Variants in DOCK2 observed in about 807,000 individuals in gnomAD.
DOCK2 encodes the protein dedicator of cytokinesis protein 2.
In DOCK2, 87 loss-of-function variants were observed where a neutral mutation model predicts 248.9. That is an observed-to-expected ratio of 0.35 (90% confidence interval 0.29 to 0.42). The LOEUF is 0.42. DOCK2 is among the 10% of genes least tolerant of loss of function. The pLI, the probability that DOCK2 is intolerant of heterozygous loss-of-function variation, is 1.00. For synonymous variants in DOCK2, 805 were observed against 821.6 expected, an observed-to-expected ratio of 0.98 and a Z score of 0.35; for missense variants, 1,747 against 2,300.2, an observed-to-expected ratio of 0.76 and a Z score of 4.92.
intron 27 of DOCK2, among the ~76,000 whole-genome samples, chr5:169,981,297 C>A (rs569221192): frequency 1.3e-5 from 2 of 152,104 alleles, no homozygotes; most frequent in African/African-American, 4.8e-5. Flanking sequence ...ACCACTAGAA[C>A]GAAATTGTAA....
intron 32 of DOCK2, among the ~76,000 whole-genome samples, chr5:170,017,553 A>G (rs1175912654): frequency 6.6e-6 from 1 of 152,220 alleles, no homozygotes; most frequent in Non-Finnish European, 1.5e-5. Context: ...CACAAAGATA[A>G]TATTAATAGC....
At chr5:169,864,697 A>G (rs958609286) in intron 27 of DOCK2, among the ~76,000 whole-genome samples, 2 of 152,228 alleles carry the variant, frequency 1.3e-5, no homozygotes, top group Non-Finnish European at 2.9e-5. Context: ...ATTAAGGGTC[A>G]GTGAGACCTG....
intron 27 of DOCK2, among the ~76,000 whole-genome samples, chr5:169,859,670 C>A (rs1378918085): frequency 6.6e-6 from 1 of 152,194 alleles, no homozygotes; most frequent in Non-Finnish European, 1.5e-5. Flanking sequence ...ATGGCCCTGG[C>A]CCCTCACACA....
chr5:169,871,792 C>A (rs957220218), intron 27 of DOCK2, among the ~76,000 whole-genome samples: 4 of 152,172 alleles, frequency 2.6e-5, no homozygotes, highest in Non-Finnish European at 5.9e-5. Context: ...GGCTGGGGTG[C>A]ATGGGGGACG....
chr5:169,972,317 C>T (rs1777532957), intron 27 of DOCK2, among the ~76,000 whole-genome samples: 2 of 152,084 alleles, frequency 1.3e-5, no homozygotes, highest in African/African-American at 4.8e-5. Context: ...TGTATCTTCC[C>T]CTTTATGGAT....
At chr5:169,655,615 C>T (rs547684655) in intron 2 of DOCK2, among the ~76,000 whole-genome samples, 3 of 152,338 alleles carry the variant, frequency 2.0e-5, no homozygotes, top group East Asian at 3.9e-4. Flanking sequence ...TAGCTACATG[C>T]AACCTCTTAG....
intron 27 of DOCK2, chr5:169,881,303 TAG>T: frequency 4.5e-6 from 6 of 1,346,236 alleles, no homozygotes; most frequent in Non-Finnish European, 6.2e-6. Flanking sequence ...AAAAGTTTGC[TAG>T]AGTGTTCAGC....
chr5:169,826,166 A>G (rs1348617106), intron 26 of DOCK2, among the ~76,000 whole-genome samples: 2 of 152,168 alleles, frequency 1.3e-5, no homozygotes, highest in Admixed American at 6.5e-5. Flanking sequence ...TGTGTCAAGC[A>G]TGATGGTATA....
chr5:169,901,244 A>G (rs1379643027), intron 27 of DOCK2, among the ~76,000 whole-genome samples: 1 of 152,166 alleles, frequency 6.6e-6, no homozygotes, highest in Non-Finnish European at 1.5e-5. Flanking sequence ...TGATGCAAGA[A>G]AGGTATTTGG....
chr5:169,898,775 C>T (rs1473035884), intron 27 of DOCK2, among the ~76,000 whole-genome samples: 1 of 152,110 alleles, frequency 6.6e-6, no homozygotes, highest in African/African-American at 2.4e-5. Context: ...TGTAAATGAA[C>T]AAGCATAGTG....
At chr5:169,653,978 C>T (rs1033997848) in intron 1 of DOCK2, among the ~76,000 whole-genome samples, 6 of 152,226 alleles carry the variant, frequency 3.9e-5, no homozygotes, top group Non-Finnish European at 7.3e-5. Flanking sequence ...CTGCCTGGCT[C>T]TCCTGCTATC....
intron 27 of DOCK2, among the ~76,000 whole-genome samples, chr5:169,956,419 G>C (rs911951294): frequency 6.6e-6 from 1 of 152,106 alleles, no homozygotes. Flanking sequence ...TCCCTCTCTC[G>C]TGGGTTGTAT....
At chr5:169,925,587 A>G (rs1775403087) in intron 27 of DOCK2, among the ~76,000 whole-genome samples, 2 of 150,044 alleles carry the variant, frequency 1.3e-5, no homozygotes. Context: ...CTTAAAAAAA[A>G]AAAAAAAAAA....
intron 41 of DOCK2, among the ~76,000 whole-genome samples, chr5:170,054,497 C>G (rs1757041039): frequency 6.6e-6 from 1 of 152,214 alleles, no homozygotes; most frequent in African/African-American, 2.4e-5. Flanking sequence ...TTTCCAATAT[C>G]TGTGCCTGTT....
chr5:169,734,747 T>G (rs1762948936), intron 22 of DOCK2, among the ~76,000 whole-genome samples: 2 of 152,188 alleles, frequency 1.3e-5, no homozygotes. Context: ...TGCAATAGGT[T>G]TATTTCTTTT....
chr5:170,059,024 C>T (rs1453316209), intron 44 of DOCK2, among the ~76,000 whole-genome samples: 1 of 152,126 alleles, frequency 6.6e-6, no homozygotes, highest in Non-Finnish European at 1.5e-5. Context: ...TATTATTATT[C>T]TTCCCATTTT....
intron 27 of DOCK2, among the ~76,000 whole-genome samples, chr5:169,885,615 A>C (rs928619044): frequency 6.6e-6 from 1 of 152,248 alleles, no homozygotes; most frequent in Non-Finnish European, 1.5e-5. Flanking sequence ...TATTGAGCAC[A>C]TACTTTTACC....
At chr5:169,918,884 C>T (rs1194688933) in intron 27 of DOCK2, among the ~76,000 whole-genome samples, 5 of 152,040 alleles carry the variant, frequency 3.3e-5, no homozygotes, top group South Asian at 2.1e-4. Context: ...CATTCCAGCC[C>T]GGACGACAGA....
chr5:169,835,141 T>A (rs995461052), intron 26 of DOCK2, among the ~76,000 whole-genome samples: 29 of 151,968 alleles, frequency 1.9e-4, no homozygotes, highest in African/African-American at 6.5e-4. Context: ...ATATTCAAAA[T>A]ATTTTAAGTA....
Sources: allele counts gnomAD v4.1 joint callset (sites outside exome capture counted in the v4.1 genomes callset), GRCh38; gene constraint gnomAD v4.1.1; transcripts MANE v1.5; gene names NCBI Gene and HGNC (gene_info 2026-07-23, HGNC 2026-07-21).